Variants in MTHFD1L observed in about 807,000 individuals in gnomAD.
MTHFD1L encodes the protein monofunctional C1-tetrahydrofolate synthase, mitochondrial.
Under a neutral mutation model 119.5 loss-of-function variants are expected in MTHFD1L, and 81 were observed. The ratio of observed to expected loss-of-function variants is 0.68; its 90% CI spans 0.57 to 0.82. The LOEUF (loss-of-function observed/expected upper bound fraction) is 0.82, where lower values mean the gene tolerates loss of function less well. Among genes scored for constraint, MTHFD1L ranks in the 40% least tolerant of loss-of-function variants. The pLI is 0.00. For synonymous variants in MTHFD1L, 430 were observed against 475.2 expected (o/e 0.90, Z 1.24); for missense variants, 1,125 against 1,253.4 (o/e 0.90, Z 1.55).
intron 1 of MTHFD1L, chr6:150,866,389 T>C: frequency 7.2e-7 from 1 of 1,382,500 alleles, no homozygotes; most frequent in Non-Finnish European, 9.3e-7. Flanking sequence ...ACCCAGACGG[T>C]AAAGGGGCGG....
chr6:150,928,055 G>A (rs1229365540), intron 11 of MTHFD1L, among the ~76,000 whole-genome samples: 1 of 152,086 alleles, frequency 6.6e-6, no homozygotes, highest in East Asian at 1.9e-4. Context: ...TTGGGCATGT[G>A]GATTTGTGCA....
chr6:150,963,772 C>T (rs1796797749), intron 18 of MTHFD1L, among the ~76,000 whole-genome samples: 1 of 152,104 alleles, frequency 6.6e-6, no homozygotes, highest in Non-Finnish European at 1.5e-5. Flanking sequence ...CTAGAGCTAC[C>T]GTTACAAGCA....
chr6:150,950,875 G>A (rs371621170), intron 16 of MTHFD1L, among the ~76,000 whole-genome samples: 3 of 151,984 alleles, frequency 2.0e-5, no homozygotes, highest in African/African-American at 7.2e-5. Context: ...CACCATGTTG[G>A]CCAGGCTGGT....
chr6:151,073,958 A>AT (rs2128622441), intron 26 of MTHFD1L, among the ~76,000 whole-genome samples: 1 of 152,326 alleles, frequency 6.6e-6, no homozygotes, highest in South Asian at 2.1e-4. Context: ...AAACTCATAC[A>AT]TTCAAAAAAA....
chr6:150,996,980 A>G (rs1174232007), intron 20 of MTHFD1L, among the ~76,000 whole-genome samples: 2 of 152,178 alleles, frequency 1.3e-5, no homozygotes, highest in Admixed American at 6.5e-5. Context: ...AGGGTAGAAC[A>G]CTGACCGAAT....
intron 15 of MTHFD1L, among the ~76,000 whole-genome samples, chr6:150,947,183 C>T (rs1278543343): frequency 2.6e-5 from 4 of 151,048 alleles, no homozygotes; most frequent in Non-Finnish European, 4.4e-5. Flanking sequence ...CTGCAACCTC[C>T]GCCTCCTAGG....
chr6:150,958,187 T>C (rs78770085), intron 17 of MTHFD1L, among the ~76,000 whole-genome samples: 1 of 152,326 alleles, frequency 6.6e-6, no homozygotes, highest in East Asian at 1.9e-4. Flanking sequence ...TTATAGTGTA[T>C]TTAAGAGCTT....
Position 150,887,814 on chromosome 6 carries a change from G to A in MTHFD1L, c.644-31G>A, listed in dbSNP as rs184093421. 3.9e-5 allele frequency: 61 copies of A among 1,563,408 alleles called. No homozygotes were observed. In the East Asian group the frequency reaches 1.2e-3, roughly 31 times the overall value. The stretch of plus-strand genomic sequence containing the variant: ...TTAAAGGAAGGATCTGAAGTTTTGA[G>A]TATAATATTGAATTTTCATTTGGTT... On this transcript the variant is annotated intron_variant, in intron 6 of 27. Transcript: ENST00000367321.
At chr6:150,924,024 T>C (rs752524222) in intron 10 of MTHFD1L, among the ~76,000 whole-genome samples, 2 of 152,174 alleles carry the variant, frequency 1.3e-5, no homozygotes, top group South Asian at 2.1e-4. Flanking sequence ...TTCCACCAAA[T>C]TGTGTACCAA....
intron 10 of MTHFD1L, among the ~76,000 whole-genome samples, chr6:150,922,643 C>A (rs550368378): frequency 4.1e-4 from 35 of 85,964 alleles, no homozygotes; most frequent in East Asian, 3.9e-3. Context: ...TTTCCCCCCC[C>A]ACCCTTTTTT....
chr6:150,891,900 C>T (rs1398681162), intron 7 of MTHFD1L, among the ~76,000 whole-genome samples: 2 of 152,160 alleles, frequency 1.3e-5, no homozygotes, highest in African/African-American at 2.4e-5. Flanking sequence ...ACATGTTCCT[C>T]ATGTTGCAGG....
At chr6:150,921,314 T>A (rs1045837343) in intron 9 of MTHFD1L, among the ~76,000 whole-genome samples, 2 of 151,934 alleles carry the variant, frequency 1.3e-5, no homozygotes, top group Admixed American at 6.6e-5. Flanking sequence ...AGACGGGGTT[T>A]CTCCATGTTG....
chr6:151,008,439 T>C (rs1473872661), intron 20 of MTHFD1L, among the ~76,000 whole-genome samples: 1 of 152,246 alleles, frequency 6.6e-6, no homozygotes, highest in Non-Finnish European at 1.5e-5. Context: ...TGGACAATCA[T>C]CTCACCTGGG....
At chr6:151,056,041 A>G (rs1194393098) in intron 26 of MTHFD1L, 2 of 152,154 alleles carry the variant, frequency 1.3e-5, no homozygotes, top group Non-Finnish European at 2.9e-5. Flanking sequence ...GTGTTGCTCA[A>G]AGGGGAACAT....
At chr6:151,088,028 A>C (rs1205517859) in intron 26 of MTHFD1L, 1 of 152,220 alleles carries the variant, frequency 6.6e-6, no homozygotes, top group Non-Finnish European at 1.5e-5. Context: ...GCCAGAGGTC[A>C]ACTCCCAACG....
At chr6:150,912,117 A>G (rs1415107601) in intron 8 of MTHFD1L, among the ~76,000 whole-genome samples, 1 of 152,064 alleles carries the variant, frequency 6.6e-6, no homozygotes, top group Admixed American at 6.6e-5. Flanking sequence ...ATGAAGGGCC[A>G]CCCCCATGAT....
intron 8 of MTHFD1L, among the ~76,000 whole-genome samples, chr6:150,908,657 G>T (rs1001529274): frequency 3.3e-5 from 5 of 151,486 alleles, no homozygotes; most frequent in Non-Finnish European, 7.4e-5. Flanking sequence ...AAAAAAATGG[G>T]CTCAACTAGG....
At chr6:150,903,256 C>T (rs899874442) in intron 7 of MTHFD1L, among the ~76,000 whole-genome samples, 7 of 122,830 alleles carry the variant, frequency 5.7e-5, no homozygotes, top group Admixed American at 1.1e-4. Context: ...CTTGCTCCAT[C>T]GCCCAGGCTG....
chr6:151,093,230 C>T lies in MTHFD1L; in HGVS notation c.*31+643C>T, dbSNP rs75778600. On this transcript the variant is annotated intron_variant, in intron 27 of 27. Coordinates refer to ENST00000367321, the MANE Select transcript of MTHFD1L (RefSeq NM_015440.5). ...CCCTGGCGTTCCCACCTTGCAGCTG[C>T]GTCACTCCCGTCTCAGCCTCTGTGG... 8.5e-3 allele frequency among the ~76,000 whole-genome samples: 1,292 copies of T among 152,252 alleles called. 22 individuals carry two copies. Among genetic ancestry groups the T allele is most frequent in the African/African-American group, 0.03 (1,239 of 41,530 alleles).
Sources: allele counts gnomAD v4.1 joint callset (sites outside exome capture counted in the v4.1 genomes callset), GRCh38; gene constraint gnomAD v4.1.1; transcripts MANE v1.5; gene names NCBI Gene and HGNC (gene_info 2026-07-23, HGNC 2026-07-21).